The following CNST variants were observed in gnomAD, a reference collection of about 807,000 sequenced individuals.
CNST encodes the protein consortin.
CNST carries 39 observed loss-of-function variants against 72.4 expected under a neutral mutation model. The observed-to-expected ratio is 0.54, with a 90% CI of 0.42 to 0.70. CNST has a LOEUF of 0.70. Among genes scored for constraint, CNST ranks in the 30% least tolerant of loss-of-function variants. CNST has a pLI of 0.00. For missense variants in CNST, 871 were observed against 868.5 expected (o/e 1.00, Z -0.04); for synonymous variants, 332 against 320.1 (o/e 1.04, Z -0.40).
chr1:246,648,648 C>T (rs12130507), intron 9 of CNST, among the ~76,000 whole-genome samples: 21,188 of 152,106 alleles, frequency 0.14, 2,471 homozygotes, highest in African/African-American at 0.32. Context: ...AGCACACTCA[C>T]GAAGGCGGCC....
intron 9 of CNST, among the ~76,000 whole-genome samples, chr1:246,652,862 G>T (rs1410683032): frequency 6.6e-6 from 1 of 150,706 alleles, no homozygotes; most frequent in East Asian, 1.9e-4. Context: ...AAACTAGCCG[G>T]GCGTGGTGGC....
At chr1:246,597,572 A>T (rs969888581) in intron 2 of CNST, among the ~76,000 whole-genome samples, 1 of 152,236 alleles carries the variant, frequency 6.6e-6, no homozygotes, top group African/African-American at 2.4e-5. Flanking sequence ...AATAGGCAGC[A>T]CATGGAAACT....
chr1:246,600,342 A>G (rs989436472), intron 2 of CNST, among the ~76,000 whole-genome samples: 3 of 152,250 alleles, frequency 2.0e-5, no homozygotes, highest in Admixed American at 6.5e-5. Context: ...TTGGGCCTTA[A>G]CAACAGGTTT....
intron 1 of CNST, chr1:246,566,868 T>C (rs2102994219): frequency 2.6e-6 from 1 of 389,580 alleles, no homozygotes; most frequent in East Asian, 3.6e-5. Flanking sequence ...CTACTGTGGG[T>C]CTCCTATTGC....
At chr1:246,645,292 A>C (rs973875069) in intron 8 of CNST, among the ~76,000 whole-genome samples, 24 of 115,434 alleles carry the variant, frequency 2.1e-4, no homozygotes, top group African/African-American at 6.1e-4. Flanking sequence ...TCCAGGGTGA[A>C]AAAGAAAGAA....
intron 2 of CNST, among the ~76,000 whole-genome samples, chr1:246,604,961 A>G (rs1662608257): frequency 6.6e-6 from 1 of 152,184 alleles, no homozygotes; most frequent in Non-Finnish European, 1.5e-5. Flanking sequence ...GCCACCGCAC[A>G]TGCACCATTA....
At chr1:246,578,497 C>T (rs1660578451) in intron 1 of CNST, among the ~76,000 whole-genome samples, 2 of 152,036 alleles carry the variant, frequency 1.3e-5, no homozygotes, top group South Asian at 4.1e-4. Flanking sequence ...CGGTGAAACC[C>T]CGTCTCTACT....
intron 6 of CNST, among the ~76,000 whole-genome samples, chr1:246,637,507 A>G (rs1441316519): frequency 6.6e-6 from 1 of 152,202 alleles, no homozygotes; most frequent in East Asian, 1.9e-4. Flanking sequence ...GTTCGTCCAT[A>G]CATGATTCCA....
chr1:246,633,824 G>A (rs1664952120), intron 4 of CNST, 100 bp from the exon 5 acceptor site: 2 of 702,852 alleles, frequency 2.8e-6, no homozygotes, highest in African/African-American at 1.8e-5. Flanking sequence ...TCATGTTTTA[G>A]TAAGCTGCAA....
At chr1:246,648,198 A>T in intron 9 of CNST, 161 bp downstream of exon 9, 1 of 1,406,614 alleles carries the variant, frequency 7.1e-7, no homozygotes, top group East Asian at 2.6e-5. Flanking sequence ...TTACATTTGT[A>T]TGTATTGAAT....
chr1:246,665,014 G>A (rs1572265311), intron 10 of CNST, among the ~76,000 whole-genome samples: 1 of 151,994 alleles, frequency 6.6e-6, no homozygotes, highest in South Asian at 2.1e-4. Flanking sequence ...TTGCTCTCAG[G>A]TAGTCCCATT....
Position 246,581,079 on chromosome 1 carries a change from C to T in CNST, c.-51-10433C>T, listed in dbSNP as rs1024190452. Among the ~76,000 whole-genome samples the T allele has an allele frequency of 7.2e-5, 11 of 151,856 alleles. 1 individual carries two copies. The highest frequency in any genetic ancestry group is 2.7e-4 in the African/African-American group (11 of 41,328). On this transcript the variant is annotated intron_variant, in intron 1 of 10. Coordinates refer to ENST00000366513, the MANE Select transcript of CNST (RefSeq NM_152609.3). The stretch of plus-strand genomic sequence containing the variant: ...AGCATGTAAAAAAAATGTAATTCAT[C>T]GAAATATCCACTCACATCCTGATAC...
At chr1:246,577,280 C>G (rs140214117) in intron 1 of CNST, among the ~76,000 whole-genome samples, 68 of 152,126 alleles carry the variant, frequency 4.5e-4, no homozygotes, top group African/African-American at 1.6e-3. Context: ...GTTGTTCTCA[C>G]CTGTCCTCCA....
chr1:246,585,658 A>AT lies in CNST; in HGVS notation c.-51-5854_-51-5853insT, dbSNP rs1305702716. Reference sequence around the variant, plus strand: ...CTCTGTCTCAAAAAAAAAAAAAAAAAAAAAATATACACACACACACACACA... The same window carrying AT: ...CTCTGTCTCAAAAAAAAAAAAAAAAATAAAAATATACACACACACACACACA... On this transcript the variant is annotated intron_variant, in intron 1 of 10. Transcript: ENST00000366513. Among the ~76,000 whole-genome samples, 95 of 80,326 alleles carry AT rather than the reference A, an allele frequency of 1.2e-3. 3 individuals are homozygous for AT. Among genetic ancestry groups the AT allele is most frequent in the African/African-American group, 5.0e-3 (85 of 17,158 alleles). The allele number at this position is 80,326 out of a possible 152,430, so 52.7% of individuals were successfully genotyped here.
At chr1:246,571,676 G>T (rs1483393464) in intron 1 of CNST, among the ~76,000 whole-genome samples, 4 of 151,986 alleles carry the variant, frequency 2.6e-5, no homozygotes, top group Admixed American at 6.6e-5. Context: ...GGTAAATTTT[G>T]TCATATTTAT....
In CNST at chr1:246,666,944, A is replaced by G. The variant is rs995911261; in HGVS notation, c.*1039A>G. 3.9e-5 allele frequency: 6 copies of G among 152,162 alleles called. No individual in the cohort carries two copies. Among genetic ancestry groups the G allele is most frequent in the Admixed American group, 3.9e-4 (6 of 15,278 alleles). The allele number at this position is 152,162 out of a possible 1,614,324, so 9.4% of individuals were successfully genotyped here. A position where few individuals can be genotyped will look rare whatever the true frequency, so the allele number is the denominator to read the frequency against. On this transcript the variant is annotated 3_prime_UTR_variant, in exon 11 of 11. Coordinates refer to ENST00000366513, the MANE Select transcript of CNST (RefSeq NM_152609.3). ...CATGCATTCAGATGCTTGAATGTGCATTCTTGTTGTGGGCTTGATTTAGAT... is the reference window on the plus strand; with the variant it reads ...CATGCATTCAGATGCTTGAATGTGCGTTCTTGTTGTGGGCTTGATTTAGAT...
chr1:246,604,841 G>A (rs1662595985), intron 2 of CNST, among the ~76,000 whole-genome samples: 1 of 151,976 alleles, frequency 6.6e-6, no homozygotes, highest in Non-Finnish European at 1.5e-5. Context: ...GCTAATTTTT[G>A]GATTTTTAGT....
In CNST at chr1:246,642,132, G is replaced by GTTTTTTTTTTTTTTTTTT. The variant is rs1491252940; in HGVS notation, c.937+95_937+96insTTTTTTTTTTTTTTTTTT. On this transcript the variant is annotated intron_variant, in intron 8 of 10. Transcript: ENST00000366513. ...ACATCTGAATTGCTGCAAAGGATCTGGTTTTTTTTTTTTTTTTTTTTTGCA... is the reference window on the plus strand; with the variant it reads ...ACATCTGAATTGCTGCAAAGGATCTGTTTTTTTTTTTTTTTTTTGTTTTTTTTTTTTTTTTTTTTTGCA... 1.2e-3 allele frequency: 233 copies of GTTTTTTTTTTTTTTTTTT among 198,322 alleles called. 40 individuals are homozygous for GTTTTTTTTTTTTTTTTTT. Among genetic ancestry groups the GTTTTTTTTTTTTTTTTTT allele is most frequent in the African/African-American group, 0.011 (212 of 18,798 alleles). 12.3% of individuals were successfully genotyped at this position (198,322 alleles called of 1,614,324 possible). A position where few individuals can be genotyped will look rare whatever the true frequency, so the allele number is the denominator to read the frequency against.
rs1273645409 is a variant in CNST, at chr1:246,629,885, C to T, written c.586-2009C>T. On this transcript the variant is annotated intron_variant, in intron 3 of 10. Transcript: ENST00000366513. The stretch of plus-strand genomic sequence containing the variant: ...TAGCTGGGAATACAGGTGCACACCA[C>T]CACACCCAGCTAATTTTTGTGTTTT... 4.6e-5 allele frequency among the ~76,000 whole-genome samples: 7 copies of T among 152,332 alleles called. No homozygotes were observed. The East Asian group carries it at 1.2e-3, about 25-fold the overall frequency.
Sources: allele counts gnomAD v4.1 joint callset (sites outside exome capture counted in the v4.1 genomes callset), GRCh38; gene constraint gnomAD v4.1.1; transcripts MANE v1.5; gene names NCBI Gene and HGNC (gene_info 2026-07-23, HGNC 2026-07-21).